The following NXPH1 variants were observed in gnomAD, a reference collection of about 807,000 sequenced individuals.
NXPH1 encodes the protein neurexophilin 1.
Under a neutral mutation model 23.7 loss-of-function variants are expected in NXPH1, and 5 were observed. The ratio of observed to expected loss-of-function variants is 0.21; its 90% CI spans 0.11 to 0.44. NXPH1 has a LOEUF of 0.44. Ranked by LOEUF, NXPH1 falls within the 20% of genes least tolerant of loss-of-function variation. The pLI is 0.99. For missense variants in NXPH1, 324 were observed against 321.6 expected (o/e 1.01, Z -0.06); for synonymous variants, 144 against 122.2 (o/e 1.18, Z -1.18).
chr7:8,529,426 T>C (rs1490144333), intron 2 of NXPH1, among the ~76,000 whole-genome samples: 1 of 152,004 alleles, frequency 6.6e-6, no homozygotes, highest in African/African-American at 2.4e-5. Flanking sequence ...GGACATATGA[T>C]TAAGTGTTTT....
chr7:8,601,519 T>C (rs1182921270), intron 2 of NXPH1, among the ~76,000 whole-genome samples: 1 of 152,178 alleles, frequency 6.6e-6, no homozygotes, highest in Non-Finnish European at 1.5e-5. Context: ...ACCATTTTCC[T>C]TTTCTTCCTC....
At chr7:8,635,189 G>A (rs1446271676) in intron 2 of NXPH1, among the ~76,000 whole-genome samples, 1 of 152,172 alleles carries the variant, frequency 6.6e-6, no homozygotes, top group East Asian at 1.9e-4. Flanking sequence ...CGAGGTAGAG[G>A]TAAGCTTGGA....
At chr7:8,553,493 T>A (rs1818309731) in intron 2 of NXPH1, among the ~76,000 whole-genome samples, 1 of 151,578 alleles carries the variant, frequency 6.6e-6, no homozygotes, top group African/African-American at 2.4e-5. Context: ...AGTCTTGACT[T>A]GAAGCCTAGG....
intron 2 of NXPH1, among the ~76,000 whole-genome samples, chr7:8,702,071 T>C (rs1300477802): frequency 1.3e-5 from 2 of 151,988 alleles, no homozygotes; most frequent in African/African-American, 4.8e-5. Flanking sequence ...ATTCTAACTT[T>C]TGTTGTCTGT....
chr7:8,524,547 T>C (rs1817832696), intron 2 of NXPH1, among the ~76,000 whole-genome samples: 1 of 152,172 alleles, frequency 6.6e-6, no homozygotes, highest in African/African-American at 2.4e-5. Context: ...TAAGGGGACT[T>C]TTGTTTAAAA....
At chr7:8,590,605 A>C (rs1819073299) in intron 2 of NXPH1, among the ~76,000 whole-genome samples, 1 of 152,122 alleles carries the variant, frequency 6.6e-6, no homozygotes, top group African/African-American at 2.4e-5. Context: ...GTTCATGAAC[A>C]ATAAATGTTA....
intron 2 of NXPH1, among the ~76,000 whole-genome samples, chr7:8,742,706 A>G (rs1205391160): frequency 6.6e-6 from 1 of 152,192 alleles, no homozygotes; most frequent in Non-Finnish European, 1.5e-5. Context: ...TGGGATTGCA[A>G]GGAAGCAGGG....
intron 2 of NXPH1, among the ~76,000 whole-genome samples, chr7:8,650,691 G>A (rs1036359733): frequency 6.6e-6 from 1 of 152,162 alleles, no homozygotes; most frequent in Admixed American, 6.6e-5. Flanking sequence ...CATGGCAACT[G>A]TCTCTCAGCT....
chr7:8,734,996 C>G (rs758888028), intron 2 of NXPH1, among the ~76,000 whole-genome samples: 1 of 152,200 alleles, frequency 6.6e-6, no homozygotes, highest in South Asian at 2.1e-4. Context: ...GATTTTGTAT[C>G]CTGATACTTT....
chr7:8,532,213 C>A (rs372502793), intron 2 of NXPH1, among the ~76,000 whole-genome samples: 5 of 152,230 alleles, frequency 3.3e-5, no homozygotes, highest in Non-Finnish European at 5.9e-5. Context: ...TTAAAAAAAC[C>A]ATTTAATTCA....
rs372852417 is a variant in NXPH1, at chr7:8,443,109, C to T, written c.54+7342C>T. 5.3e-5 allele frequency among the ~76,000 whole-genome samples: 8 copies of T among 152,316 alleles called. No homozygotes were observed. In the East Asian group the frequency reaches 1.4e-3, roughly 26 times the overall value. On this transcript the variant is annotated intron_variant, in intron 2 of 2. Coordinates refer to ENST00000405863, the MANE Select transcript of NXPH1 (RefSeq NM_152745.3). ...GGTTTCCGCAGATACCTCCTCAAGG[C>T]CCGCTCGCGACTGTGACGACCCGCC...
chr7:8,566,003 G>T (rs1307246160), intron 2 of NXPH1, among the ~76,000 whole-genome samples: 2 of 151,788 alleles, frequency 1.3e-5, no homozygotes, highest in African/African-American at 2.4e-5. Context: ...AATTCTGTTG[G>T]TTTGGGGCAC....
At chr7:8,636,282 T>G (rs1243213918) in intron 2 of NXPH1, among the ~76,000 whole-genome samples, 1 of 152,186 alleles carries the variant, frequency 6.6e-6, no homozygotes, top group Non-Finnish European at 1.5e-5. Flanking sequence ...AAACAAAAGT[T>G]TAACTCAGGG....
chr7:8,538,668 T>G (rs1310126951), intron 2 of NXPH1, among the ~76,000 whole-genome samples: 2 of 151,958 alleles, frequency 1.3e-5, no homozygotes, highest in Non-Finnish European at 2.9e-5. Context: ...TTCTCCACAT[T>G]GTCTCCTCAT....
intron 2 of NXPH1, among the ~76,000 whole-genome samples, chr7:8,641,103 ATTTAG>A (rs1277518361): frequency 1.3e-5 from 2 of 152,128 alleles, no homozygotes; most frequent in Middle Eastern, 3.2e-3. Flanking sequence ...AAAAATATTT[ATTTAG>A]TTAAGTTTTA....
At chr7:8,601,040 A>G (rs1374137179) in intron 2 of NXPH1, among the ~76,000 whole-genome samples, 3 of 152,104 alleles carry the variant, frequency 2.0e-5, no homozygotes, top group Admixed American at 2.0e-4. Context: ...ATGGAAGGAT[A>G]TGCATAATTT....
At chr7:8,580,427 T>C (rs1346811633) in intron 2 of NXPH1, among the ~76,000 whole-genome samples, 1 of 152,148 alleles carries the variant, frequency 6.6e-6, no homozygotes, top group Admixed American at 6.5e-5. Flanking sequence ...CTTGAATTAC[T>C]AACCAGAGAC....
chr7:8,740,934 A>G (rs978010680), intron 2 of NXPH1, among the ~76,000 whole-genome samples: 1 of 152,074 alleles, frequency 6.6e-6, no homozygotes, highest in African/African-American at 2.4e-5. Context: ...TCTCTTAGCA[A>G]ATTTCAAGTA....
intron 2 of NXPH1, among the ~76,000 whole-genome samples, chr7:8,647,566 G>A (rs774102453): frequency 6.6e-6 from 1 of 151,894 alleles, no homozygotes. Context: ...GTTTGTAATT[G>A]TTTTTCTTGA....
Sources: gnomAD v4.1 joint callset for allele counts (sites outside exome capture counted in the v4.1 genomes callset) on GRCh38, gnomAD v4.1.1 for gene constraint, MANE v1.5 for transcripts, NCBI Gene and HGNC (gene_info 2026-07-23, HGNC 2026-07-21) for gene names.